Variants in VWF observed in about 807,000 individuals in gnomAD.
VWF encodes von Willebrand factor.
In VWF, 176 loss-of-function variants were observed where a neutral mutation model predicts 308.6. The ratio of observed to expected loss-of-function variants is 0.57; its 90% CI spans 0.50 to 0.65. The LOEUF is 0.65. VWF is among the 30% of genes least tolerant of loss of function. The pLI is 0.00. For synonymous variants in VWF, 1,385 were observed against 1,443.4 expected (o/e 0.96, Z 0.92); for missense variants, 3,146 against 3,648.2 (o/e 0.86, Z 3.55).
Position 6,019,140 on chromosome 12 carries a change from G to A in VWF, c.4278C>T (p.Arg1426=), listed in dbSNP as rs1053492142. 1.2e-6 allele frequency: 2 copies of A among 1,613,906 alleles called. No homozygotes were observed. The highest frequency in any genetic ancestry group is 2.2e-5 in the East Asian group (1 of 44,860). Residue 1426 remains arginine (R), a synonymous_variant, in exon 28 of 52, where the codon CGC becomes CGT. Transcript: ENST00000261405. This position sits in a 1 kb window ranked among gnomAD's most constrained non-coding sequence, Gnocchi z 5.8. The part of the protein sequence containing the change: ...IGPHANLKQI[R]LIEKQAPENK... ...TCTCAGGGGCCTGCTTCTCGATGAG[G>A]CGGATCTGCTTGAGGTTGGCATGGG... is the stretch of plus-strand genomic sequence containing the variant.
rs533417176 is a variant in VWF, at chr12:6,019,058, C to T, written c.4360G>A (p.Val1454Ile). ...DELEQQRDEI[V>I]SYLCDLAPEA... ...GGGGCAAGGTCACAGAGGTAGCTAA[C>T]GATCTCGTCCCTTTGCTGCTCCAGC... Residue 1454 changes from valine to isoleucine, a missense_variant, in exon 28 of 52, where the codon GTT becomes ATT. Val to Ile is a conservative substitution (Grantham distance 29). This residue lies in a region of VWF where 853 missense variants were observed against 1,177.8 expected (regional missense o/e 0.72). Transcript: ENST00000261405. The surrounding 1 kb of genome is among the most constrained non-coding windows in gnomAD (Gnocchi z 5.8). The T allele has an allele frequency of 8.7e-6, 14 of 1,613,778 alleles. No homozygotes were observed. Among genetic ancestry groups the T allele is most frequent in the African/African-American group, 2.7e-5 (2 of 74,892 alleles).
At chr12:6,088,892 A>G (rs892040097) in intron 6 of VWF, among the ~76,000 whole-genome samples, 1 of 152,254 alleles carries the variant, frequency 6.6e-6, no homozygotes, top group Non-Finnish European at 1.5e-5. Flanking sequence ...TTTTGTTGGC[A>G]TAACAAGGAA....
intron 34 of VWF, among the ~76,000 whole-genome samples, chr12:5,997,222 G>A (rs1943816786): frequency 6.6e-6 from 1 of 152,166 alleles, no homozygotes; most frequent in African/African-American, 2.4e-5. Flanking sequence ...CTATGTCCTT[G>A]AGCAGTCAGT....
At position 6,016,835 on chromosome 12, in the gene VWF, C is replaced by A; in HGVS notation, c.5089G>T (p.Asp1697Tyr). ...GAAGCTGGGAAACTGGAGGAGCCAT[C>A]CAGGAGAAGGATCACGTCCAGGGGC... ...SQPLDVILLL[D>Y]GSSSFPASYF... Residue 1697 changes from aspartate (D) to tyrosine (Y), a missense_variant, in exon 29 of 52, where the codon GAT (aspartate) becomes TAT (tyrosine). Physicochemically the swap from Asp to Tyr is radical, Grantham distance 160. This residue lies in a region of VWF where 853 missense variants were observed against 1,177.8 expected (regional missense o/e 0.72). Coordinates refer to ENST00000261405, the MANE Select transcript of VWF (RefSeq NM_000552.5). 1 of 1,614,096 alleles carries A rather than the reference C, an allele frequency of 6.2e-7. No individual in the cohort carries two copies. The highest frequency in any genetic ancestry group is 8.5e-7 in the Non-Finnish European group (1 of 1,180,040).
rs1230881373 is a variant in VWF, at chr12:5,994,315, T to C, written c.6256+100A>G. ...CTCACCAGAATCTGACCCTCGCTAC[T>C]AGACCCTGAAATATAAGCATCCAAG... On this transcript the variant is annotated intron_variant, in intron 36 of 51. Transcript: ENST00000261405. 2.5e-6 allele frequency: 4 copies of C among 1,592,212 alleles called. No individual in the cohort carries two copies. In the African/African-American group the frequency reaches 4.0e-5, roughly 16 times the overall value.
chr12:6,118,026 G>A (rs1426250921), intron 3 of VWF, among the ~76,000 whole-genome samples: 1 of 152,196 alleles, frequency 6.6e-6, no homozygotes, highest in Non-Finnish European at 1.5e-5. Context: ...GTGCTGGACG[G>A]GTGGAATGGG....
At chr12:5,958,134 G>T (rs1477583350) in intron 47 of VWF, among the ~76,000 whole-genome samples, 1 of 152,020 alleles carries the variant, frequency 6.6e-6, no homozygotes, top group Non-Finnish European at 1.5e-5. Context: ...AAACTCAGTT[G>T]AACCAAAAGA....
chr12:6,007,840 A>T (rs1943946667), intron 34 of VWF, among the ~76,000 whole-genome samples: 1 of 152,176 alleles, frequency 6.6e-6, no homozygotes. Flanking sequence ...TCAAATAAAT[A>T]AAATCAGAAA....
chr12:5,977,972 AAT>A (rs1943550877), intron 42 of VWF, among the ~76,000 whole-genome samples: 1 of 148,960 alleles, frequency 6.7e-6, no homozygotes, highest in Admixed American at 6.7e-5. Flanking sequence ...GACTCCTGGG[AAT>A]ATGTCTTGTT....
intron 6 of VWF, among the ~76,000 whole-genome samples, chr12:6,078,123 G>A (rs370553249): frequency 6.6e-6 from 1 of 152,286 alleles, no homozygotes; most frequent in East Asian, 1.9e-4. Context: ...AGAATAGTGA[G>A]CAGGTCCCCA....
chr12:6,113,804 C>G (rs1945336358), intron 3 of VWF, among the ~76,000 whole-genome samples: 1 of 152,222 alleles, frequency 6.6e-6, no homozygotes, highest in Non-Finnish European at 1.5e-5. Flanking sequence ...GCACTGGGCC[C>G]AAGACCAAAT....
At chr12:6,022,205 G>C (rs2136416920) in intron 26 of VWF, among the ~76,000 whole-genome samples, 170 bp from the exon 27 acceptor site, 1 of 152,066 alleles carries the variant, frequency 6.6e-6, no homozygotes, top group South Asian at 2.1e-4. Context: ...TCTCCTGCTT[G>C]TGCCTTGATT....
chr12:5,995,391 T>C (rs1313806887), intron 35 of VWF, among the ~76,000 whole-genome samples: 2 of 152,242 alleles, frequency 1.3e-5, no homozygotes, highest in Non-Finnish European at 2.9e-5. Context: ...AAGATTTTTC[T>C]GCAATTATTG....
intron 6 of VWF, among the ~76,000 whole-genome samples, chr12:6,084,756 C>A (rs1375838289): frequency 1.3e-5 from 2 of 152,122 alleles, no homozygotes; most frequent in Non-Finnish European, 2.9e-5. Flanking sequence ...GATGGGTGCC[C>A]TGCAGCAGCC....
intron 5 of VWF, among the ~76,000 whole-genome samples, chr12:6,109,080 T>C (rs952327945): frequency 1.3e-5 from 2 of 151,542 alleles, no homozygotes; most frequent in African/African-American, 4.9e-5. Context: ...ACATGAAATA[T>C]GTTACATATC....
intron 18 of VWF, among the ~76,000 whole-genome samples, chr12:6,043,283 T>C (rs1212905510): frequency 6.6e-6 from 1 of 152,200 alleles, no homozygotes; most frequent in African/African-American, 2.4e-5. Flanking sequence ...AATCCCAGCC[T>C]TCCTGAGAGA....
At chr12:6,095,393 G>A (rs1471485967) in intron 6 of VWF, 67 bp downstream of exon 6, 2 of 1,609,024 alleles carry the variant, frequency 1.2e-6, no homozygotes, top group Non-Finnish European at 1.7e-6. Flanking sequence ...ATGAGACTGA[G>A]TCCTTCTGTC....
At position 6,073,619 on chromosome 12, in the gene VWF, C is replaced by T. The variant is rs1376970449; in HGVS notation, c.997G>A (p.Glu333Lys). 1 of 1,614,040 alleles carries T rather than the reference C, an allele frequency of 6.2e-7. No homozygotes were observed. Among genetic ancestry groups the T allele is most frequent in the Non-Finnish European group, 8.5e-7 (1 of 1,180,030 alleles). Residue 333 changes from glutamate (E) to lysine (K), a missense_variant and splice_region_variant, in exon 8 of 52, where the codon GAG becomes AAG. Glu to Lys is a moderately conservative substitution (Grantham distance 56, BLOSUM62 1). Transcript: ENST00000261405. ...ERCVDGCSCP[E>K]GQLLDEGLCV... The stretch of plus-strand genomic sequence containing the variant: ...GTAAATAAAGTGGGAAGTTCATTAC[C>T]AGGGCAGCTGCAGCCATCCACGCAT...
chr12:5,963,047 C>T (rs1015593894), intron 47 of VWF, among the ~76,000 whole-genome samples: 2 of 152,180 alleles, frequency 1.3e-5, no homozygotes, highest in African/African-American at 4.8e-5. Context: ...AGGATACTAT[C>T]TTCATGACCT....
Sources: allele counts gnomAD v4.1 joint callset (sites outside exome capture counted in the v4.1 genomes callset), GRCh38; gene constraint gnomAD v4.1.1; regional missense constraint gnomAD v4.1.1; non-coding constraint Gnocchi (gnomAD v3.1); transcripts MANE v1.5; gene names NCBI Gene and HGNC (gene_info 2026-07-23, HGNC 2026-07-21).